RALGPS1: variants seen among roughly 807,000 people sequenced by gnomAD.
RALGPS1 encodes ras-specific guanine nucleotide-releasing factor RalGPS1.
Under a neutral mutation model 78.8 loss-of-function variants are expected in RALGPS1, and 19 were observed. The observed-to-expected ratio is 0.24, with a 90% CI of 0.17 to 0.35. The LOEUF (loss-of-function observed/expected upper bound fraction) is 0.35, where lower values mean the gene tolerates loss of function less well. RALGPS1 is among the 10% of genes least tolerant of loss of function. RALGPS1 has a pLI of 1.00. For synonymous variants in RALGPS1, 228 were observed against 256.3 expected (o/e 0.89, Z 1.06); for missense variants, 454 against 688.3 (o/e 0.66, Z 3.81).
intron 8 of RALGPS1, among the ~76,000 whole-genome samples, chr9:127,118,784 G>A (rs1245027258): frequency 6.6e-6 from 1 of 152,226 alleles, no homozygotes; most frequent in Non-Finnish European, 1.5e-5. Flanking sequence ...TGTCAGTTGA[G>A]ACCATTCCAG....
At chr9:127,155,130 C>T (rs2058641876) in intron 8 of RALGPS1, among the ~76,000 whole-genome samples, 1 of 152,178 alleles carries the variant, frequency 6.6e-6, no homozygotes, top group Non-Finnish European at 1.5e-5. Flanking sequence ...AGTGGGGTGC[C>T]TGGCAACCGC....
chr9:126,991,681 T>C (rs1291497438), intron 4 of RALGPS1, among the ~76,000 whole-genome samples: 1 of 152,220 alleles, frequency 6.6e-6, no homozygotes, highest in Non-Finnish European at 1.5e-5. Context: ...AGCTGTGTGA[T>C]CATAGGCAAG....
chr9:126,941,054 A>C (rs2036731434), intron 1 of RALGPS1, among the ~76,000 whole-genome samples: 1 of 152,088 alleles, frequency 6.6e-6, no homozygotes, highest in African/African-American at 2.4e-5. Context: ...ATACTTCTAT[A>C]TGTGTGTTCA....
At chr9:126,976,582 G>A (rs73589107) in intron 3 of RALGPS1, among the ~76,000 whole-genome samples, 8,822 of 152,190 alleles carry the variant, frequency 0.058, 865 homozygotes, top group African/African-American at 0.2. Context: ...TGTGGTACCT[G>A]ACTGAGAGAG....
chr9:127,127,761 G>A (rs1193006147), intron 8 of RALGPS1, among the ~76,000 whole-genome samples: 1 of 152,042 alleles, frequency 6.6e-6, no homozygotes, highest in African/African-American at 2.4e-5. Flanking sequence ...TTGAGACTTA[G>A]CAAAGTGAGG....
chr9:127,119,663 T>G (rs1001453558), intron 8 of RALGPS1, among the ~76,000 whole-genome samples: 5 of 152,140 alleles, frequency 3.3e-5, no homozygotes, highest in Non-Finnish European at 5.9e-5. Context: ...CCTAAATCAC[T>G]GGGGGATGGA....
At chr9:126,998,170 G>A (rs549357558) in intron 4 of RALGPS1, among the ~76,000 whole-genome samples, 1 of 152,260 alleles carries the variant, frequency 6.6e-6, no homozygotes, top group South Asian at 2.1e-4. Context: ...ATTGACAAAT[G>A]GGATCTAATT....
chr9:126,923,020 G>A (rs926543781), intron 1 of RALGPS1, among the ~76,000 whole-genome samples: 3 of 152,170 alleles, frequency 2.0e-5, no homozygotes, highest in African/African-American at 7.2e-5. Flanking sequence ...TTGCCCACCA[G>A]CAGGTCCTCA....
intron 2 of RALGPS1, among the ~76,000 whole-genome samples, chr9:126,963,895 A>G (rs1282519883): frequency 6.6e-6 from 1 of 152,256 alleles, no homozygotes; most frequent in East Asian, 1.9e-4. Flanking sequence ...ATAGAAGTAT[A>G]GAACGGTTTG....
At chr9:127,050,699 C>G (rs1239430368) in intron 6 of RALGPS1, among the ~76,000 whole-genome samples, 1 of 152,062 alleles carries the variant, frequency 6.6e-6, no homozygotes, top group Non-Finnish European at 1.5e-5. Flanking sequence ...TTTCCCTTAT[C>G]TCTAGGAATG....
At chr9:127,161,583 C>T (rs554647873) in intron 8 of RALGPS1, among the ~76,000 whole-genome samples, 3 of 152,260 alleles carry the variant, frequency 2.0e-5, no homozygotes, top group Admixed American at 2.0e-4. Context: ...ACCAGACTGA[C>T]CACAGTGGAC....
At chr9:127,011,841 C>G (rs2044373627) in intron 4 of RALGPS1, among the ~76,000 whole-genome samples, 1 of 152,214 alleles carries the variant, frequency 6.6e-6, no homozygotes, top group Non-Finnish European at 1.5e-5. Flanking sequence ...ACAGAGTGGT[C>G]CTGGCAGCCC....
chr9:127,142,112 G>A (rs2057819511), intron 8 of RALGPS1, among the ~76,000 whole-genome samples: 1 of 152,184 alleles, frequency 6.6e-6, no homozygotes, highest in Non-Finnish European at 1.5e-5. Flanking sequence ...CAAGTGGCAG[G>A]CTAGCAAAGG....
chr9:127,207,050 C>G (rs1324858046), intron 14 of RALGPS1, among the ~76,000 whole-genome samples: 5 of 152,170 alleles, frequency 3.3e-5, no homozygotes, highest in Admixed American at 1.3e-4. Flanking sequence ...AGATGCTGAG[C>G]GAATCCTGCT....
chr9:127,111,482 C>T (rs772045844), intron 8 of RALGPS1, among the ~76,000 whole-genome samples: 13 of 152,178 alleles, frequency 8.5e-5, no homozygotes, highest in Non-Finnish European at 1.6e-4. Context: ...AATGACAAGA[C>T]ACACCTGCCA....
chr9:127,108,816 C>G, intron 8 of RALGPS1: 1 of 1,393,992 alleles, frequency 7.2e-7, no homozygotes, highest in Non-Finnish European at 9.6e-7. Context: ...AGTGATGGTC[C>G]CACCACTGTC....
intron 14 of RALGPS1, among the ~76,000 whole-genome samples, chr9:127,204,410 A>C (rs2812288): frequency 6.6e-6 from 1 of 152,058 alleles, no homozygotes; most frequent in Non-Finnish European, 1.5e-5. Context: ...AGGAGCCACT[A>C]TGTCCAGCCT....
At chr9:127,081,089 A>G (rs1275555332) in intron 8 of RALGPS1, among the ~76,000 whole-genome samples, 2 of 152,190 alleles carry the variant, frequency 1.3e-5, no homozygotes, top group African/African-American at 2.4e-5. Context: ...TACAGTGCCT[A>G]CTGCTGGAAT....
At chr9:127,012,191 G>C (rs774939383) in intron 4 of RALGPS1, among the ~76,000 whole-genome samples, 1 of 152,298 alleles carries the variant, frequency 6.6e-6, no homozygotes, top group East Asian at 1.9e-4. Context: ...TTTTTCTTCA[G>C]TGGAAAATAT....
Sources: allele counts gnomAD v4.1 joint callset (sites outside exome capture counted in the v4.1 genomes callset), GRCh38; gene constraint gnomAD v4.1.1; transcripts MANE v1.5; gene names NCBI Gene and HGNC (gene_info 2026-07-23, HGNC 2026-07-21).